DGKH: variants seen among roughly 807,000 people sequenced by gnomAD.
The protein encoded by DGKH is diacylglycerol kinase eta, also known as DAG kinase eta.
A neutral mutation model predicts 159.3 loss-of-function variants in DGKH; 90 were observed. The ratio of observed to expected loss-of-function variants is 0.57; its 90% confidence interval spans 0.48 to 0.67. The LOEUF is 0.67. Among genes scored for constraint, DGKH ranks in the 30% least tolerant of loss-of-function variants. The pLI, the probability that DGKH is intolerant of heterozygous loss-of-function variation, is 0.00. For synonymous variants in DGKH, 536 were observed against 553.8 expected, an observed-to-expected ratio of 0.97 and a Z score of 0.45; for missense variants, 1,181 against 1,506.1, an observed-to-expected ratio of 0.78 and a Z score of 3.57.
In DGKH at chr13:42,189,216, T is replaced by C. The variant is rs1957005097; in HGVS notation, c.1819T>C (p.Ser607Pro). The change falls in exon 15 of 30, where the codon TCC becomes CCC. Residue 607 changes from serine (S) to proline (P), a missense_variant. Transcript: ENST00000337343. ...EQLGDDVTKP[S>P]SQKAVKPREI... is the part of the protein sequence containing the mutation. ...GCTTGGGGATGACGTTACAAAACCT[T>C]CCTCCCAGAAAGCCGTCAAACCAAG... 6.2e-7 allele frequency: 1 copy of C among 1,613,988 alleles called. No individual in the cohort carries two copies. The highest frequency in any genetic ancestry group is 1.3e-5 in the African/African-American group (1 of 74,902).
intron 21 of DGKH, among the ~76,000 whole-genome samples, chr13:42,206,361 C>T (rs1442254979): frequency 2.6e-5 from 4 of 152,058 alleles, no homozygotes; most frequent in Admixed American, 6.5e-5. Flanking sequence ...TACAGATATT[C>T]GTATCTTGGG....
Position 42,237,578 on chromosome 13 carries a change from C to CA in DGKH, c.*8396dup, listed in dbSNP as rs1958443655. ...GTGTGCTGAGCACACCCCCAGAAAA[C>CA]AAAAAATATCACATTGATGAAGTCC... On this transcript the variant is annotated 3_prime_UTR_variant, in exon 30 of 30. Transcript: ENST00000337343. 6.6e-6 allele frequency: 1 copy of CA among 152,108 alleles called. No individual in the cohort carries two copies. Among genetic ancestry groups the CA allele is most frequent in the African/African-American group, 2.4e-5 (1 of 41,422 alleles). The allele number at this position is 152,108 out of a possible 1,614,324, so 9.4% of individuals were successfully genotyped here.
At position 42,219,801 on chromosome 13, in the gene DGKH, G is replaced by C. The variant is rs982740301; in HGVS notation, c.3442+7G>C. On this transcript the variant is annotated splice_region_variant and intron_variant, in intron 28 of 29. Transcript: ENST00000337343. The stretch of plus-strand genomic sequence containing the variant: ...AAGACAAGTTCACAGCCTGGTAGGT[G>C]GTCCATATGGAAGGGGAAATATAAC... 4 of 1,609,968 alleles carry C rather than the reference G, an allele frequency of 2.5e-6. No individual in the cohort carries two copies. Among genetic ancestry groups the C allele is most frequent in the Non-Finnish European group, 1.7e-6 (2 of 1,177,070 alleles).
intron 29 of DGKH, 53 bp from the exon 30 acceptor site, chr13:42,229,046 G>GT (rs1451123494): frequency 4.0e-6 from 6 of 1,488,136 alleles, no homozygotes; most frequent in Non-Finnish European, 4.6e-6. Flanking sequence ...TTCTTTCTGT[G>GT]TTTTTTCTTT....
intron 11 of DGKH, 76 bp from the exon 12 acceptor site, chr13:42,173,984 C>A: frequency 2.3e-6 from 2 of 866,240 alleles, no homozygotes; most frequent in Non-Finnish European, 1.9e-6. Flanking sequence ...TGTGTGTGTG[C>A]GCGTTTATGA....
chr13:42,169,370 C>T (rs1956391185), intron 11 of DGKH, among the ~76,000 whole-genome samples: 1 of 152,152 alleles, frequency 6.6e-6, no homozygotes, highest in Non-Finnish European at 1.5e-5. Context: ...AAGGGACTAT[C>T]ATTGTGTTTA....
intron 5 of DGKH, 24 bp from the exon 6 acceptor site, chr13:42,159,242 C>CTGTTTTTTTTTTTTTTTTTTTTT: frequency 1.3e-5 from 2 of 159,044 alleles, no homozygotes; most frequent in Non-Finnish European, 2.0e-5. Context: ...AAAGCAGTTG[C>CTGTTTTTTTTTTTTTTTTTTTTT]TCTTTTTTTT....
At chr13:42,255,887 A>G (rs887011227) in intron 30 of DGKH, 1 of 1,401,554 alleles carries the variant, frequency 7.1e-7, no homozygotes, top group Non-Finnish European at 9.7e-7. Flanking sequence ...GGTTGCTGCA[A>G]AATTGGCTGC....
intron 3 of DGKH, among the ~76,000 whole-genome samples, chr13:42,154,806 C>T (rs901493862): frequency 5.3e-5 from 8 of 151,536 alleles, no homozygotes; most frequent in South Asian, 2.1e-4. Flanking sequence ...TTTGGGAGGC[C>T]GAGGGGGGCG....
rs1390100686 is a variant in DGKH at position 42,240,159 on chromosome 13, A to G, written c.*10971A>G. ...ATAGGACTTTGATAAATATTTTTGA[A>G]TGAAGGTAATAGAAAACCCGAACTT... On this transcript the variant is annotated 3_prime_UTR_variant, in exon 30 of 30. Transcript: ENST00000337343. 1.3e-5 allele frequency: 2 copies of G among 152,146 alleles called. No individual in the cohort carries two copies. The highest frequency in any genetic ancestry group is 2.9e-5 in the Non-Finnish European group (2 of 68,010). The allele number at this position is 152,146 out of a possible 1,614,324, so 9.4% of individuals were successfully genotyped here.
Position 42,189,879 on chromosome 13 carries a change from G to A in DGKH, c.1913-524G>A, listed in dbSNP as rs187681403. Among the ~76,000 whole-genome samples, 95 of 152,126 alleles carry A rather than the reference G, an allele frequency of 6.2e-4. 1 individual carries two copies. Among genetic ancestry groups the A allele is most frequent in the African/African-American group, 2.1e-3 (86 of 41,506 alleles). ...GATGGGATTTCACCATGTTGCCCAG[G>A]CTGATCTCAAACTCCTGGGCTCAAG... On this transcript the variant is annotated intron_variant, in intron 15 of 29. Transcript: ENST00000337343.
At chr13:42,148,550 A>G (rs1303215810) in intron 3 of DGKH, among the ~76,000 whole-genome samples, 2 of 151,986 alleles carry the variant, frequency 1.3e-5, no homozygotes, top group East Asian at 1.9e-4. Flanking sequence ...AGAGTCTCCC[A>G]CCACGGCTTT....
chr13:42,121,208 T>C (rs888655246), intron 1 of DGKH, among the ~76,000 whole-genome samples: 1 of 152,190 alleles, frequency 6.6e-6, no homozygotes, highest in African/African-American at 2.4e-5. Context: ...AAAACGTACT[T>C]TGAGTTCTCA....
Position 42,187,130 on chromosome 13 carries a change from T to C in DGKH, c.1620T>C (p.Ala540=). 1 of 1,614,048 alleles carries C rather than the reference T, an allele frequency of 6.2e-7. No homozygotes were observed. The highest frequency in any genetic ancestry group is 8.5e-7 in the Non-Finnish European group (1 of 1,179,922). Residue 540 remains alanine (A), a synonymous_variant, in exon 14 of 30, where the codon GCT becomes GCC. Transcript: ENST00000337343. ...YDKTLENAVV[A]DAVASKCSVL... ...AAACCTTGGAAAATGCCGTTGTAGC[T>C]GATGCCGTGGCCAGTAAAGTAAGAG...
intron 14 of DGKH, among the ~76,000 whole-genome samples, chr13:42,188,360 G>C (rs1216117268): frequency 2.0e-5 from 3 of 152,156 alleles, no homozygotes; most frequent in African/African-American, 4.8e-5. Flanking sequence ...GGCTTGCCTA[G>C]TGCATGCTTT....
At chr13:42,106,010 T>TA (rs1954746901) in intron 1 of DGKH, among the ~76,000 whole-genome samples, 3 of 151,848 alleles carry the variant, frequency 2.0e-5, no homozygotes, top group South Asian at 2.1e-4. Flanking sequence ...TTTTTTTTTT[T>TA]AATTTTTTTT....
intron 1 of DGKH, among the ~76,000 whole-genome samples, chr13:42,121,568 G>T (rs9590664): frequency 0.13 from 20,489 of 152,158 alleles, 1,576 homozygotes; most frequent in South Asian, 0.18. Context: ...CCAGGCCAGT[G>T]CAAAAGGCAG....
At chr13:42,125,190 C>T (rs1009087488) in intron 1 of DGKH, among the ~76,000 whole-genome samples, 4 of 152,204 alleles carry the variant, frequency 2.6e-5, no homozygotes, top group Middle Eastern at 3.2e-3. Context: ...CCTATAACCT[C>T]CTCTCTTGAT....
chr13:42,110,587 A>ATCATTCATTCATTCATTCATTCAT (rs140415925), intron 1 of DGKH, among the ~76,000 whole-genome samples: 18,055 of 150,886 alleles, frequency 0.12, 1,222 homozygotes, highest in Admixed American at 0.17. Flanking sequence ...TTGAAGGATA[A>ATCATTCATTCATTCATTCATTCAT]TCATTCATTC....
Sources: gnomAD v4.1 joint callset for allele counts (sites outside exome capture counted in the v4.1 genomes callset) on GRCh38, gnomAD v4.1.1 for gene constraint, MANE v1.5 for transcripts, NCBI Gene and HGNC (gene_info 2026-07-23, HGNC 2026-07-21) for gene names.